Variants in PCNT observed in about 807,000 individuals in gnomAD.
PCNT encodes kendrin.
Under a neutral mutation model 380.4 loss-of-function variants are expected in PCNT, and 319 were observed. That is an observed-to-expected ratio of 0.84 (90% CI 0.77 to 0.92). The LOEUF (loss-of-function observed/expected upper bound fraction) is 0.92, where lower values mean the gene tolerates loss of function less well. Ranked by LOEUF, PCNT falls within the 40% of genes least tolerant of loss-of-function variation. The pLI is 0.00. For synonymous variants in PCNT, 1,845 were observed against 1,735.2 expected (o/e 1.06, Z -1.57); for missense variants, 4,400 against 4,255.3 (o/e 1.03, Z -0.95).
Position 46,357,191 on chromosome 21 carries a change from G to C in PCNT, c.2154G>C (p.Lys718Asn). 6.2e-7 allele frequency: 1 copy of C among 1,603,292 alleles called. No individual in the cohort carries two copies. Among genetic ancestry groups the C allele is most frequent in the Non-Finnish European group, 8.5e-7 (1 of 1,170,018 alleles). ...CTCGTCTGAAGGACGATTTGGAGAAGGTGAGTCGTGACTCCACAGCCCAGC... is the reference window on the plus strand; with the variant it reads ...CTCGTCTGAAGGACGATTTGGAGAACGTGAGTCGTGACTCCACAGCCCAGC... Reference protein sequence around the residue: ...HETRLKDDLEKVKHNLIEDHQ... With the variant: ...HETRLKDDLENVKHNLIEDHQ... Residue 718 changes from lysine to asparagine, a missense_variant and splice_region_variant, in exon 13 of 47, where the codon AAG becomes AAC. Lys to Asn is a moderately conservative substitution (Grantham distance 94, BLOSUM62 0). Transcript: ENST00000359568.
At chr21:46,410,460 T>G (rs2086750498) in intron 27 of PCNT, among the ~76,000 whole-genome samples, 1 of 152,254 alleles carries the variant, frequency 6.6e-6, no homozygotes, top group Non-Finnish European at 1.5e-5. Context: ...ATTTTTCTAT[T>G]TTTTGTCATT....
intron 15 of PCNT, among the ~76,000 whole-genome samples, chr21:46,373,729 CTTTT>C (rs57604484): frequency 3.2e-5 from 2 of 63,102 alleles, no homozygotes; most frequent in African/African-American, 7.4e-5. Flanking sequence ...CCAGCCTTAG[CTTTT>C]TTTTTTTTTT....
Position 46,385,997 on chromosome 21 carries a change from C to T in PCNT, c.3464+14C>T, listed in dbSNP as rs187366347. On this transcript the variant is annotated intron_variant, in intron 17 of 46. Coordinates refer to ENST00000359568, the MANE Select transcript of PCNT (RefSeq NM_006031.6). The stretch of plus-strand genomic sequence containing the variant: ...CCACAGCGAAAGGTCAGTGTGTCCT[C>T]GGCACCGAGGCTGCCTTGTGGCCGC... The T allele has an allele frequency of 1.3e-4, 204 of 1,613,636 alleles. No individual in the cohort carries two copies. Among genetic ancestry groups the T allele is most frequent in the Non-Finnish European group, 1.6e-4 (192 of 1,179,944 alleles).
chr21:46,405,227 T>G (rs1366177847), intron 27 of PCNT, among the ~76,000 whole-genome samples: 1 of 152,138 alleles, frequency 6.6e-6, no homozygotes, highest in Non-Finnish European at 1.5e-5. Context: ...AACAGGACCC[T>G]GCCTAAAAAA....
chr21:46,410,759 C>T lies in PCNT; in HGVS notation c.5116-430C>T, dbSNP rs554801066. Reference sequence around the variant, plus strand: ...TGTTGGGATGGAAGGGGAGCGTGCCCGGCTCACCGCTTTGTTGGTGCAGAT... The same window carrying T: ...TGTTGGGATGGAAGGGGAGCGTGCCTGGCTCACCGCTTTGTTGGTGCAGAT... On this transcript the variant is annotated intron_variant, in intron 27 of 46. Transcript: ENST00000359568. 7.9e-5 allele frequency among the ~76,000 whole-genome samples: 12 copies of T among 152,314 alleles called. No homozygotes were observed. In the South Asian group the frequency reaches 8.3e-4, roughly 11 times the overall value.
chr21:46,384,210 G>A (rs1243326676), intron 16 of PCNT, among the ~76,000 whole-genome samples: 1 of 147,584 alleles, frequency 6.8e-6, no homozygotes, highest in Non-Finnish European at 1.5e-5. Context: ...AGTGGCAGAA[G>A]CGCATTCACG....
At position 46,432,147 on chromosome 21, in the gene PCNT, G is replaced by A. The variant is rs562254764; in HGVS notation, c.8683G>A (p.Ala2895Thr). ...AGGACGCAAGGCTGCGAGGAGGAGC[G>A]CGGAGGCCAGGCAGAGCCCAGCGGC... ...QEGRKAARRS[A>T]EARQSPAAAE... The change falls in exon 38 of 47, where the codon GCG becomes ACG. Residue 2895 changes from alanine (A) to threonine (T), a missense_variant. Physicochemically the swap from Ala to Thr is moderately conservative, Grantham distance 58 (BLOSUM62 0). Transcript: ENST00000359568. 12 of 1,613,850 alleles carry A rather than the reference G, an allele frequency of 7.4e-6. No individual in the cohort carries two copies. Among genetic ancestry groups the A allele is most frequent in the Admixed American group, 3.3e-5 (2 of 60,028 alleles).
intron 27 of PCNT, among the ~76,000 whole-genome samples, chr21:46,404,771 A>G (rs921811977): frequency 4.6e-5 from 7 of 152,026 alleles, no homozygotes; most frequent in South Asian, 2.1e-4. Flanking sequence ...ACAACATGGG[A>G]AAACCCCATC....
chr21:46,329,951 T>C (rs2083505531), intron 2 of PCNT, among the ~76,000 whole-genome samples: 4 of 152,164 alleles, frequency 2.6e-5, no homozygotes, highest in Admixed American at 2.6e-4. Flanking sequence ...TCTGCACAGT[T>C]ACAGCTTGAC....
chr21:46,434,863 T>C (rs569283814), intron 38 of PCNT, among the ~76,000 whole-genome samples: 1 of 152,320 alleles, frequency 6.6e-6, no homozygotes, highest in South Asian at 2.1e-4. Context: ...TGTACATATG[T>C]GGATGAGTGG....
At chr21:46,372,158 GCA>G (rs1327999278) in intron 15 of PCNT, among the ~76,000 whole-genome samples, 1 of 136,610 alleles carries the variant, frequency 7.3e-6, no homozygotes, top group Non-Finnish European at 1.6e-5. Context: ...CCCATACAAG[GCA>G]CACGCACACA....
intron 17 of PCNT, among the ~76,000 whole-genome samples, chr21:46,387,387 A>C (rs1357079211): frequency 1.8e-4 from 27 of 152,088 alleles, no homozygotes; most frequent in Admixed American, 1.8e-3. Context: ...ACCGAGGGGC[A>C]CAGCGGCCAG....
At chr21:46,364,553 G>T (rs929488727) in intron 14 of PCNT, among the ~76,000 whole-genome samples, 1 of 152,204 alleles carries the variant, frequency 6.6e-6, no homozygotes, top group South Asian at 2.1e-4. Flanking sequence ...TCCACTAAGC[G>T]TTTTTGTGTT....
rs200322378 is a variant in PCNT, at chr21:46,372,058, T to C, written c.3165+4919T>C. Among the ~76,000 whole-genome samples, 21 of 136,234 alleles carry C rather than the reference T, an allele frequency of 1.5e-4. 1 individual carries two copies. The East Asian group carries it at 4.7e-3, about 31-fold the overall frequency. 89.4% of individuals were successfully genotyped at this position (136,234 alleles called of 152,430 possible). A position where few individuals can be genotyped will look rare whatever the true frequency, so the allele number is the denominator to read the frequency against. On this transcript the variant is annotated intron_variant, in intron 15 of 46. Coordinates refer to ENST00000359568, the MANE Select transcript of PCNT (RefSeq NM_006031.6). Reference sequence around the variant, plus strand: ...GCAGCACTCACAGCATATGTGCCCATACAAGGCACATGCACACAGCACATG... The same window carrying C: ...GCAGCACTCACAGCATATGTGCCCACACAAGGCACATGCACACAGCACATG...
chr21:46,353,966 T>C, intron 10 of PCNT, 21 bp from the exon 11 acceptor site: 6 of 1,606,718 alleles, frequency 3.7e-6, no homozygotes, highest in Non-Finnish European at 5.1e-6. Context: ...GTAAAGCTTT[T>C]ATAAAATGTT....
chr21:46,430,777 G>T, intron 37 of PCNT, 120 bp downstream of exon 37: 1 of 1,534,414 alleles, frequency 6.5e-7, no homozygotes, highest in Non-Finnish European at 8.7e-7. Flanking sequence ...GTTGACAGCA[G>T]TGTGACGTAG....
At chr21:46,399,308 TCAGCCTGTGGGTCTAGGTCTCCCTGTG>T (rs2086334226) in intron 24 of PCNT, among the ~76,000 whole-genome samples, 1 of 22,652 alleles carries the variant, frequency 4.4e-5, no homozygotes, top group African/African-American at 3.7e-4. Context: ...GGGTCTCTTT[TCAGCCTGTGGGTCTAGGTCTCCCTGTG>T]CAGCCTGTGG....
chr21:46,424,351 C>A (rs185351687), intron 32 of PCNT, among the ~76,000 whole-genome samples: 1 of 152,330 alleles, frequency 6.6e-6, no homozygotes, highest in East Asian at 1.9e-4. Context: ...ACAGGCAGAG[C>A]CGCCTGGTCC....
intron 38 of PCNT, among the ~76,000 whole-genome samples, chr21:46,434,565 G>T (rs1459592454): frequency 1.3e-5 from 2 of 152,244 alleles, no homozygotes; most frequent in East Asian, 3.8e-4. Context: ...GTCCTTCCTT[G>T]CCCCATCGTG....
Sources: allele counts gnomAD v4.1 joint callset (sites outside exome capture counted in the v4.1 genomes callset), GRCh38; gene constraint gnomAD v4.1.1; transcripts MANE v1.5; gene names NCBI Gene and HGNC (gene_info 2026-07-23, HGNC 2026-07-21).